Variants in CEP192 observed in about 807,000 individuals in gnomAD.
CEP192 encodes the protein centrosomal protein of 192 kDa.
A neutral mutation model predicts 271.8 loss-of-function variants in CEP192; 151 were observed. The observed-to-expected ratio is 0.56, with a 90% confidence interval of 0.49 to 0.64. CEP192 has a LOEUF of 0.64. Ranked by LOEUF, CEP192 falls within the 30% of genes least tolerant of loss-of-function variation. The probability of loss-of-function intolerance (pLI) is 0.00; values close to 1 mark genes in which losing one functional copy is unlikely to be tolerated. For synonymous variants in CEP192, 995 were observed against 1,076.5 expected, an observed-to-expected ratio of 0.92 and a Z score of 1.48; for missense variants, 2,910 against 3,020.5, an observed-to-expected ratio of 0.96 and a Z score of 0.86.
intron 15 of CEP192, 97 bp from the exon 16 acceptor site, chr18:13,048,762 G>C (rs2036612996): frequency 1.3e-6 from 1 of 766,368 alleles, no homozygotes; most frequent in African/African-American, 1.8e-5. Context: ...TATCCACTTG[G>C]AGGTTTTGAA....
At position 13,087,608 on chromosome 18, in the gene CEP192, A is replaced by G. The variant is rs769258328; in HGVS notation, c.5955A>G (p.Leu1985=). 6.3e-7 allele frequency: 1 copy of G among 1,578,092 alleles called. No individual in the cohort carries two copies. Among genetic ancestry groups the G allele is most frequent in the East Asian group, 2.3e-5 (1 of 43,630 alleles). The change falls in exon 32 of 45, where the codon TTA becomes TTG. Residue 1985 remains leucine (L), a synonymous_variant. Transcript: ENST00000506447. ...KTATELSTVY[L]FGGDEISRQQ... ...CAACAGAACTATCAACTGTATACTT[A>G]TTTGGTGGAGATGAAATTTCAAGAC...
At position 13,059,247 on chromosome 18, in the gene CEP192, GT is replaced by G; in HGVS notation, c.4424del (p.Val1475AspfsTer23). On this transcript the variant is annotated frameshift_variant, in exon 21 of 45. Transcript: ENST00000506447. LOFTEE classifies it high-confidence loss of function. ...WPCSTDAETI[V>X]QAEALASTVT... Reference sequence around the variant, plus strand: ...ATGTTCGACAGATGCTGAGACCATCGTACAGGCAGAAGCTTTGGCCAGCACC... The same window carrying G: ...ATGTTCGACAGATGCTGAGACCATCGACAGGCAGAAGCTTTGGCCAGCACC... 1 of 1,614,158 alleles carries G rather than the reference GT, an allele frequency of 6.2e-7. No individual in the cohort carries two copies.
intron 9 of CEP192, among the ~76,000 whole-genome samples, chr18:13,019,999 T>C (rs1245728205): frequency 6.6e-6 from 1 of 151,978 alleles, no homozygotes; most frequent in Non-Finnish European, 1.5e-5. Context: ...TTAGTAGAGA[T>C]GGAGTTTCAC....
chr18:13,118,415 C>A (rs2040526262), intron 44 of CEP192, among the ~76,000 whole-genome samples: 1 of 152,208 alleles, frequency 6.6e-6, no homozygotes, highest in African/African-American at 2.4e-5. Flanking sequence ...CGGTGCTGTA[C>A]AGTTGAAGCT....
chr18:13,081,910 C>T (rs565531181), intron 30 of CEP192, among the ~76,000 whole-genome samples: 10 of 152,232 alleles, frequency 6.6e-5, no homozygotes, highest in South Asian at 4.2e-4. Flanking sequence ...TGTAGTTGTG[C>T]GGTTTTGAGT....
At position 13,125,004 on chromosome 18, in the gene CEP192, T is replaced by C. The variant is rs964784589; in HGVS notation, c.*234T>C. 3 of 339,268 alleles carry C rather than the reference T, an allele frequency of 8.8e-6. No individual in the cohort carries two copies. The highest frequency in any genetic ancestry group is 2.1e-5 in the African/African-American group (1 of 48,560). The allele number at this position is 339,268 out of a possible 1,614,324, so 21.0% of individuals were successfully genotyped here. A position where few individuals can be genotyped will look rare whatever the true frequency, so the allele number is the denominator to read the frequency against. ...GAGAGTTCTGTGTTTGCATTGATTA[T>C]GATATTCTGAATAAATATGGAATAT... On this transcript the variant is annotated 3_prime_UTR_variant, in exon 45 of 45. Transcript: ENST00000506447.
At chr18:13,045,356 G>A (rs973679691) in intron 15 of CEP192, among the ~76,000 whole-genome samples, 2 of 152,126 alleles carry the variant, frequency 1.3e-5, no homozygotes, top group Non-Finnish European at 2.9e-5. Context: ...CATGGGATAC[G>A]TGTAGGAGAT....
In CEP192 at chr18:13,069,697, T is replaced by C. The variant is rs752330737; in HGVS notation, c.5056-41T>C. On this transcript the variant is annotated intron_variant, in intron 26 of 44. Coordinates refer to ENST00000506447, the MANE Select transcript of CEP192 (RefSeq NM_032142.4). ...AGCCACTGAGCGAAAACTGCGTTTT[T>C]GTAAGTCGGCATTCAATTATGATTA... The C allele has an allele frequency of 4.9e-6, 6 of 1,221,186 alleles. No individual in the cohort carries two copies. In the Admixed American group the frequency reaches 1.1e-4, roughly 22 times the overall value. The allele number at this position is 1,221,186 out of a possible 1,614,324, so 75.6% of individuals were successfully genotyped here. A position where few individuals can be genotyped will look rare whatever the true frequency, so the allele number is the denominator to read the frequency against.
chr18:13,088,322 C>T (rs2038989178), intron 32 of CEP192, among the ~76,000 whole-genome samples: 1 of 151,930 alleles, frequency 6.6e-6, no homozygotes, highest in East Asian at 1.9e-4. Context: ...TGATGGTGTG[C>T]ACCTGTAGTC....
intron 21 of CEP192, among the ~76,000 whole-genome samples, chr18:13,064,770 C>T (rs1029127276): frequency 3.3e-5 from 5 of 151,976 alleles, no homozygotes; most frequent in African/African-American, 1.2e-4. Flanking sequence ...TAATGTGATT[C>T]CTCCAGTTTT....
intron 30 of CEP192, among the ~76,000 whole-genome samples, chr18:13,078,177 CAT>C (rs2038390846): frequency 6.6e-6 from 1 of 152,140 alleles, no homozygotes; most frequent in Non-Finnish European, 1.5e-5. Flanking sequence ...TGAGTGAGAA[CAT>C]GTGGTGTCTG....
chr18:12,996,229 G>A (rs187844802), intron 1 of CEP192, among the ~76,000 whole-genome samples: 125 of 137,166 alleles, frequency 9.1e-4, no homozygotes, highest in Non-Finnish European at 1.1e-4. Flanking sequence ...AGGTTGGGGG[G>A]ATGCAGCAAG....
At chr18:13,055,740 T>C (rs752007204) in intron 18 of CEP192, 40 bp from the exon 19 acceptor site, 1 of 1,317,512 alleles carries the variant, frequency 7.6e-7, no homozygotes, top group South Asian at 1.4e-5. Flanking sequence ...TATATTAAGT[T>C]TATCTGTGGA....
rs1038987205 is a variant in CEP192 at position 13,008,525 on chromosome 18, T to G, written c.360T>G (p.Ala120=). The G allele has an allele frequency of 1.3e-6, 2 of 1,551,430 alleles. No homozygotes were observed. Among genetic ancestry groups the G allele is most frequent in the African/African-American group, 2.7e-5 (2 of 73,030 alleles). ...RLSNALSKQS[A]LQMETAGPEE... ...CAAATGCTCTCAGCAAACAGTCAGC[T>G]TTACAAATGGAGACAGCAGGACCAG... is the stretch of plus-strand genomic sequence containing the variant. The change falls in exon 4 of 45, where the codon GCT becomes GCG. Residue 120 remains alanine (A), a synonymous_variant. Transcript: ENST00000506447.
chr18:13,063,756 C>T (rs1416370518), intron 21 of CEP192, among the ~76,000 whole-genome samples: 1 of 151,142 alleles, frequency 6.6e-6, no homozygotes, highest in Non-Finnish European at 1.5e-5. Flanking sequence ...TTTTGGTTGC[C>T]TTCGTTTGTG....
intron 14 of CEP192, 85 bp from the exon 15 acceptor site, chr18:13,042,119 A>G: frequency 9.2e-7 from 1 of 1,082,066 alleles, no homozygotes; most frequent in East Asian, 2.6e-5. Context: ...TTGGTAAATT[A>G]GTCATTTTGC....
chr18:13,066,406 C>T (rs540404587), intron 21 of CEP192, among the ~76,000 whole-genome samples: 2 of 152,216 alleles, frequency 1.3e-5, no homozygotes, highest in East Asian at 1.9e-4. Context: ...GCTGAGTCTT[C>T]CTGATTTTCT....
At chr18:13,097,598 T>C (rs2039461579) in intron 36 of CEP192, among the ~76,000 whole-genome samples, 1 of 151,812 alleles carries the variant, frequency 6.6e-6, no homozygotes, top group Admixed American at 6.6e-5. Flanking sequence ...TTTAAAATGG[T>C]ATTCCTAAGG....
At chr18:13,074,367 A>G (rs925663051) in intron 30 of CEP192, among the ~76,000 whole-genome samples, 1 of 152,134 alleles carries the variant, frequency 6.6e-6, no homozygotes, top group African/African-American at 2.4e-5. Context: ...CACCCAGGGG[A>G]TACTGCCAGA....
Sources: gnomAD v4.1 joint callset for allele counts (sites outside exome capture counted in the v4.1 genomes callset) on GRCh38, gnomAD v4.1.1 for gene constraint, MANE v1.5 for transcripts, NCBI Gene and HGNC (gene_info 2026-07-23, HGNC 2026-07-21) for gene names.